RHD: variants seen among roughly 807,000 people sequenced by gnomAD.
RHD encodes blood group Rh(D) polypeptide.
In RHD, 16 loss-of-function variants were observed where a neutral mutation model predicts 45.5. The ratio of observed to expected loss-of-function variants is 0.35; its 90% confidence interval spans 0.24 to 0.53. The LOEUF (loss-of-function observed/expected upper bound fraction) is 0.53, where lower values mean the gene tolerates loss of function less well. Ranked by LOEUF, RHD falls within the 20% of genes least tolerant of loss-of-function variation. The pLI, the probability that RHD is intolerant of heterozygous loss-of-function variation, is 0.92. For missense variants in RHD, 306 were observed against 532.0 expected (o/e 0.58, Z 4.18); for synonymous variants, 131 against 217.5 (o/e 0.60, Z 3.50).
intron 7 of RHD, among the ~76,000 whole-genome samples, chr1:25,313,663 G>C (rs762756374): frequency 7.6e-6 from 1 of 132,194 alleles, no homozygotes; most frequent in Non-Finnish European, 1.8e-5. Context: ...ATCATCCAGG[G>C]ACCAGGCAGC....
intron 2 of RHD, among the ~76,000 whole-genome samples, chr1:25,286,561 G>C (rs910300527): frequency 7.4e-6 from 1 of 134,522 alleles, no homozygotes; most frequent in African/African-American, 2.6e-5. Flanking sequence ...CCAAGGCGGG[G>C]GGATCATGAG....
At position 25,301,668 on chromosome 1, in the gene RHD, C is replaced by G. The variant is rs188690303; in HGVS notation, c.783C>G (p.Pro261=). The part of the protein sequence containing the change: ...TAISGSSLAH[P]QGKISKTYVH... Reference sequence around the variant, plus strand: ...TCTCAGGGTCATCCTTGGCTCACCCCCAAGGGAAGATCAGCAAGGTGAGCA... The same window carrying G: ...TCTCAGGGTCATCCTTGGCTCACCCGCAAGGGAAGATCAGCAAGGTGAGCA... Residue 261 remains proline (P), a synonymous_variant, in exon 5 of 10, where the codon CCC becomes CCG. Coordinates refer to ENST00000328664, the MANE Select transcript of RHD (RefSeq NM_016124.6). 2 of 1,379,872 alleles carry G rather than the reference C, an allele frequency of 1.4e-6. No homozygotes were observed. Among genetic ancestry groups the G allele is most frequent in the African/African-American group, 2.8e-5 (2 of 70,720 alleles). The allele number at this position is 1,379,872 out of a possible 1,614,324, so 85.5% of individuals were successfully genotyped here.
In RHD at chr1:25,284,543, C is replaced by T. The variant is rs199770973; in HGVS notation, c.149-30C>T. The T allele has an allele frequency of 8.4e-5, 116 of 1,384,504 alleles. 16 individuals are homozygous for T. In the South Asian group the frequency reaches 1.1e-3, roughly 14 times the overall value. 85.8% of individuals were successfully genotyped at this position (1,384,504 alleles called of 1,614,324 possible). On this transcript the variant is annotated intron_variant, in intron 1 of 9. Transcript: ENST00000328664. ...CCCTAAATCTCGTCTGCTTCCCCCT[C>T]GTCCTTCTCGCCATCTCCCCACCGA...
At chr1:25,282,213 C>T (rs1481290792) in intron 1 of RHD, among the ~76,000 whole-genome samples, 1 of 132,600 alleles carries the variant, frequency 7.5e-6, no homozygotes. Context: ...GAAGTGGAAA[C>T]ACATAAATTG....
intron 6 of RHD, among the ~76,000 whole-genome samples, chr1:25,305,647 C>T (rs149840421): frequency 0.013 from 1,662 of 128,852 alleles, 240 homozygotes; most frequent in African/African-American, 0.041. Context: ...TTTGCCCAGG[C>T]TGGAGTGCAG....
Position 25,275,206 on chromosome 1 carries a change from C to T in RHD, c.148+2511C>T, listed in dbSNP as rs1376417507. Among the ~76,000 whole-genome samples the T allele has an allele frequency of 1.5e-5, 2 of 131,852 alleles. 1 individual carries two copies. The highest frequency in any genetic ancestry group is 5.2e-5 in the African/African-American group (2 of 38,656). The allele number at this position is 131,852 out of a possible 152,430, so 86.5% of individuals were successfully genotyped here. On this transcript the variant is annotated intron_variant, in intron 1 of 9. Transcript: ENST00000328664. Reference sequence around the variant, plus strand: ...TTGGGAAGCTGAGGGAGGAGAATTGCTTGAACCCAGGAGGCAGAGGTTGCT... The same window carrying T: ...TTGGGAAGCTGAGGGAGGAGAATTGTTTGAACCCAGGAGGCAGAGGTTGCT...
intron 1 of RHD, among the ~76,000 whole-genome samples, chr1:25,283,329 G>C (rs577862904): frequency 7.6e-6 from 1 of 131,520 alleles, no homozygotes; most frequent in Non-Finnish European, 1.8e-5. Flanking sequence ...TCAGGAGTTC[G>C]AGACCAGCTT....
chr1:25,319,620 C>T (rs1644589633), intron 8 of RHD, among the ~76,000 whole-genome samples: 1 of 131,812 alleles, frequency 7.6e-6, no homozygotes. Context: ...AAAAAGGAAA[C>T]AAAACAACTT....
intron 8 of RHD, among the ~76,000 whole-genome samples, chr1:25,320,888 C>T (rs1045864907): frequency 7.7e-6 from 1 of 129,784 alleles, no homozygotes; most frequent in African/African-American, 2.6e-5. Flanking sequence ...CAAAAAATAC[C>T]AAAAACTGAG....
chr1:25,282,000 A>C (rs1641524925), intron 1 of RHD, among the ~76,000 whole-genome samples: 1 of 132,382 alleles, frequency 7.6e-6, no homozygotes, highest in Admixed American at 7.4e-5. Context: ...CCAGGGCTGG[A>C]GACCAGTGGC....
rs770829982 is a variant in RHD, at chr1:25,306,669, T to C, written c.1013T>C (p.Leu338Pro). 1 of 1,378,700 alleles carries C rather than the reference T, an allele frequency of 7.3e-7. No homozygotes were observed. Among genetic ancestry groups the C allele is most frequent in the East Asian group, 2.2e-5 (1 of 44,630 alleles). The allele number at this position is 1,378,700 out of a possible 1,614,324, so 85.4% of individuals were successfully genotyped here. Residue 338 changes from leucine to proline, a missense_variant, in exon 7 of 10, where the codon CTT becomes CCT. By Grantham distance (98) the Leu-to-Pro change is moderately conservative. Transcript: ENST00000328664. Reference protein sequence around the residue: ...MGYNFSLLGLLGEIIYIVLLV... With the variant: ...MGYNFSLLGLPGEIIYIVLLV... ...TACAACTTCAGCTTGCTGGGTCTGC[T>C]TGGAGAGATCATCTACATTGTGCTG...
At position 25,304,577 on chromosome 1, in the gene RHD, G is replaced by A. The variant is rs1273331635; in HGVS notation, c.939+1118G>A. On this transcript the variant is annotated intron_variant, in intron 6 of 9. Transcript: ENST00000328664. The stretch of plus-strand genomic sequence containing the variant: ...CGTGCCATGGCACTCCAGCCTGGGC[G>A]ACAGAACAAGACTCTGTCTTAAAAA... The A allele has an allele frequency of 3.1e-5, 4 of 127,138 alleles. 1 individual carries two copies. The highest frequency in any genetic ancestry group is 8.3e-3 in the Middle Eastern group (2 of 240). 7.9% of individuals were successfully genotyped at this position (127,138 alleles called of 1,614,324 possible).
rs1312991357 is a variant in RHD at position 25,292,093 on chromosome 1, T to A, written c.486+1302T>A. On this transcript the variant is annotated intron_variant, in intron 3 of 9. Transcript: ENST00000328664. The stretch of plus-strand genomic sequence containing the variant: ...CTCTTAGAGCTTTAGTTTCTTCATC[T>A]GTAATATGAGGGTAGCAGTACTACC... Among the ~76,000 whole-genome samples, 4 of 132,590 alleles carry A rather than the reference T, an allele frequency of 3.0e-5. 2 individuals carry two copies. The highest frequency in any genetic ancestry group is 7.2e-5 in the Non-Finnish European group (4 of 55,892). 87.0% of individuals were successfully genotyped at this position (132,590 alleles called of 152,430 possible).
chr1:25,313,772 A>G lies in RHD; in HGVS notation c.1074-3228A>G, dbSNP rs774274033. Reference sequence around the variant, plus strand: ...ACTAATGGGCAGGAAGTGAAAACACATATGTTAGAATTTGTAGCTGAGGGG... The same window carrying G: ...ACTAATGGGCAGGAAGTGAAAACACGTATGTTAGAATTTGTAGCTGAGGGG... On this transcript the variant is annotated intron_variant, in intron 7 of 9. Coordinates refer to ENST00000328664, the MANE Select transcript of RHD (RefSeq NM_016124.6). Among the ~76,000 whole-genome samples, 3 of 132,402 alleles carry G rather than the reference A, an allele frequency of 2.3e-5. 1 individual carries two copies. The highest frequency in any genetic ancestry group is 5.4e-5 in the Non-Finnish European group (3 of 55,876). The allele number at this position is 132,402 out of a possible 152,430, so 86.9% of individuals were successfully genotyped here.
chr1:25,322,118 A>G lies in RHD; in HGVS notation c.1227+156A>G, dbSNP rs1270611581. 3.0e-5 allele frequency among the ~76,000 whole-genome samples: 4 copies of G among 131,584 alleles called. 2 individuals carry two copies. Among genetic ancestry groups the G allele is most frequent in the Non-Finnish European group, 7.2e-5 (4 of 55,632 alleles). 86.3% of individuals were successfully genotyped at this position (131,584 alleles called of 152,430 possible). ...GAACTAGAGGAGAAACAAATCCATG[A>G]TATGCATGTGTGTGGGGGAGGGTGG... On this transcript the variant is annotated intron_variant, in intron 9 of 9. Coordinates refer to ENST00000328664, the MANE Select transcript of RHD (RefSeq NM_016124.6).
At chr1:25,307,637 T>C in intron 7 of RHD, 1 of 1,135,338 alleles carries the variant, frequency 8.8e-7, no homozygotes, top group Admixed American at 2.1e-5. Context: ...AGAGAAGTTA[T>C]CTGCCCAAGG....
At chr1:25,276,405 T>C (rs1305037377) in intron 1 of RHD, among the ~76,000 whole-genome samples, 1 of 114,988 alleles carries the variant, frequency 8.7e-6, no homozygotes, top group Admixed American at 8.5e-5. Flanking sequence ...AAAAGTTCTG[T>C]AATAGTTAAT....
chr1:25,324,955 G>GGA (rs1644891522), intron 9 of RHD, among the ~76,000 whole-genome samples: 1 of 106,628 alleles, frequency 9.4e-6, no homozygotes, highest in South Asian at 3.5e-4. Context: ...AGCTGAGGCA[G>GGA]GAGAATGGCT....
intron 1 of RHD, among the ~76,000 whole-genome samples, chr1:25,281,279 CTT>C (rs1641470281): frequency 7.8e-6 from 1 of 128,866 alleles, no homozygotes; most frequent in Non-Finnish European, 1.8e-5. Context: ...CTTTCATAAA[CTT>C]TTCCTGAAGG....
Sources: gnomAD v4.1 joint callset for allele counts (sites outside exome capture counted in the v4.1 genomes callset) on GRCh38, gnomAD v4.1.1 for gene constraint, MANE v1.5 for transcripts, NCBI Gene and HGNC (gene_info 2026-07-23, HGNC 2026-07-21) for gene names.